PPARA: variants seen among roughly 807,000 people sequenced by gnomAD.
PPARA encodes peroxisome proliferator activated receptor alpha, also known as peroxisome proliferator-activated receptor alpha.
Under a neutral mutation model 42.2 loss-of-function variants are expected in PPARA, and 22 were observed. The observed-to-expected ratio is 0.52, with a 90% CI of 0.37 to 0.74. The LOEUF (loss-of-function observed/expected upper bound fraction) is 0.74. Among genes scored for constraint, PPARA ranks in the 30% least tolerant of loss-of-function variants. PPARA has a pLI of 0.00. For synonymous variants in PPARA, 242 were observed against 239.3 expected (o/e 1.01, Z -0.10); for missense variants, 465 against 608.2 (o/e 0.76, Z 2.48).
At chr22:46,223,980 T>C (rs991057806) in intron 7 of PPARA, among the ~76,000 whole-genome samples, 1 of 149,688 alleles carries the variant, frequency 6.7e-6, no homozygotes, top group African/African-American at 2.5e-5. Flanking sequence ...AAATGATAGA[T>C]GAATAGTTTA....
At chr22:46,229,883 T>A (rs1935748109) in intron 7 of PPARA, among the ~76,000 whole-genome samples, 2 of 152,196 alleles carry the variant, frequency 1.3e-5, no homozygotes, top group Admixed American at 1.3e-4. Flanking sequence ...TTCCATACCA[T>A]CTGTGTGATG....
rs944658507 is a variant in PPARA, at chr22:46,162,624, G to C, written c.-127+10654G>C. ...ACAGTGGCTCTCCCTGAGACCCCGT[G>C]AGGCCAGAGTCCTTGGCTCATCACT... On this transcript the variant is annotated intron_variant, in intron 2 of 8. Coordinates refer to ENST00000407236, the MANE Select transcript of PPARA (RefSeq NM_005036.6). The surrounding 1 kb of genome is among the most constrained non-coding windows in gnomAD (Gnocchi z 6.0). Among the ~76,000 whole-genome samples the C allele has an allele frequency of 6.6e-6, 1 of 152,206 alleles. No individual in the cohort carries two copies. Among genetic ancestry groups the C allele is most frequent in the African/African-American group, 2.4e-5 (1 of 41,454 alleles).
At chr22:46,164,918 T>TA (rs1186674398) in intron 2 of PPARA, 2 of 152,206 alleles carry the variant, frequency 1.3e-5, no homozygotes, top group South Asian at 2.1e-4. Context: ...GCTATGGAAG[T>TA]AAAAAAATAA....
At chr22:46,213,162 A>C (rs956600301) in intron 4 of PPARA, among the ~76,000 whole-genome samples, 3 of 152,204 alleles carry the variant, frequency 2.0e-5, no homozygotes, top group Non-Finnish European at 4.4e-5. Flanking sequence ...CTCATGTTGC[A>C]TTCCCACCAG....
chr22:46,150,781 GC>G lies in PPARA; in HGVS notation c.-210+132del, dbSNP rs1014381530. The stretch of plus-strand genomic sequence containing the variant: ...AGGGGCTGGGCGGCGCATGCGCGGG[GC>G]CCGGGGTCTCGGGGTCTCCGGGTCC... On this transcript the variant is annotated intron_variant, in intron 1 of 8. Transcript: ENST00000407236. This position sits in a 1 kb window ranked among gnomAD's most constrained non-coding sequence, Gnocchi z 7.5. 4.0e-5 allele frequency: 6 copies of G among 150,610 alleles called. No homozygotes were observed. Among genetic ancestry groups the G allele is most frequent in the African/African-American group, 1.5e-4 (6 of 40,778 alleles). The allele number at this position is 150,610 out of a possible 1,614,324, so 9.3% of individuals were successfully genotyped here.
Position 46,238,630 on chromosome 22 carries a change from G to C in PPARA, c.*3250G>C, listed in dbSNP as rs1207874628. ...CAGCCTTGGTCTACCGTGCTGACCA[G>C]GGTGAAGGCACGGCGAGGGACTCCT... On this transcript the variant is annotated 3_prime_UTR_variant, in exon 9 of 9. Coordinates refer to ENST00000407236, the MANE Select transcript of PPARA (RefSeq NM_005036.6). The surrounding 1 kb of genome is among the most constrained non-coding windows in gnomAD (Gnocchi z 8.3). 6.6e-6 allele frequency: 1 copy of C among 152,286 alleles called. No individual in the cohort carries two copies. Among genetic ancestry groups the C allele is most frequent in the East Asian group, 1.9e-4 (1 of 5,202 alleles). 9.4% of individuals were successfully genotyped at this position (152,286 alleles called of 1,614,324 possible).
rs894594504 is a variant in PPARA, at chr22:46,240,360, T to G, written c.*4980T>G. The G allele has an allele frequency of 2.5e-6, 1 of 396,884 alleles. No homozygotes were observed. The highest frequency in any genetic ancestry group is 2.1e-5 in the African/African-American group (1 of 48,610). 24.6% of individuals were successfully genotyped at this position (396,884 alleles called of 1,614,324 possible). ...CCAGGCACGGTGCACTTTCTCCACCTCCTGCAGCCTCCCTGTTGTTTCTAG... is the reference window on the plus strand; with the variant it reads ...CCAGGCACGGTGCACTTTCTCCACCGCCTGCAGCCTCCCTGTTGTTTCTAG... On this transcript the variant is annotated 3_prime_UTR_variant, in exon 9 of 9. Transcript: ENST00000407236. This position sits in a 1 kb window ranked among gnomAD's most constrained non-coding sequence, Gnocchi z 6.0.
At position 46,231,725 on chromosome 22, in the gene PPARA, T is replaced by G; in HGVS notation, c.712-67T>G. The G allele has an allele frequency of 6.6e-7, 1 of 1,507,340 alleles. No individual in the cohort carries two copies. The highest frequency in any genetic ancestry group is 9.1e-7 in the Non-Finnish European group (1 of 1,097,600). The allele number at this position is 1,507,340 out of a possible 1,614,324, so 93.4% of individuals were successfully genotyped here. A position where few individuals can be genotyped will look rare whatever the true frequency, so the allele number is the denominator to read the frequency against. On this transcript the variant is annotated intron_variant, in intron 7 of 8. Transcript: ENST00000407236. The surrounding 1 kb of genome is among the most constrained non-coding windows in gnomAD (Gnocchi z 7.7). Reference sequence around the variant, plus strand: ...TTTGGACGCAGGAGCTGCTCATTAGTGAGCTGATAGCTGGGAGCATAGCGC... The same window carrying G: ...TTTGGACGCAGGAGCTGCTCATTAGGGAGCTGATAGCTGGGAGCATAGCGC...
chr22:46,221,243 C>A lies in PPARA; in HGVS notation c.711+1229C>A, dbSNP rs1934977178. 6.6e-6 allele frequency among the ~76,000 whole-genome samples: 1 copy of A among 152,100 alleles called. No homozygotes were observed. Among genetic ancestry groups the A allele is most frequent in the Non-Finnish European group, 1.5e-5 (1 of 68,016 alleles). ...TAGCACCAAGAGGATGGTGCTAAAC[C>A]ATTCATGAAGGATCACCCCCATGAT... is the stretch of plus-strand genomic sequence containing the variant. On this transcript the variant is annotated intron_variant, in intron 7 of 8. Coordinates refer to ENST00000407236, the MANE Select transcript of PPARA (RefSeq NM_005036.6). This position sits in a 1 kb window ranked among gnomAD's most constrained non-coding sequence, Gnocchi z 5.9.
rs1376847705 is a variant in PPARA, at chr22:46,171,442, C to T, written c.-126-5311C>T. 6.5e-6 allele frequency: 1 copy of T among 152,708 alleles called. No homozygotes were observed. Among genetic ancestry groups the T allele is most frequent in the Admixed American group, 6.5e-5 (1 of 15,280 alleles). The allele number at this position is 152,708 out of a possible 1,614,324, so 9.5% of individuals were successfully genotyped here. On this transcript the variant is annotated intron_variant, in intron 2 of 8. Transcript: ENST00000407236. The surrounding 1 kb of genome is among the most constrained non-coding windows in gnomAD (Gnocchi z 5.0). The stretch of plus-strand genomic sequence containing the variant: ...TGAGTGGAGTGATGGAGCAGCTGGC[C>T]TGGTGACTTAGCCGCCTTCAGGTAC...
At chr22:46,179,094 T>G (rs1040603847) in intron 3 of PPARA, among the ~76,000 whole-genome samples, 8 of 152,184 alleles carry the variant, frequency 5.3e-5, no homozygotes, top group Non-Finnish European at 1.0e-4. Flanking sequence ...CTTCCTCTTC[T>G]TATAAAGTCA....
rs1930973635 is a variant in PPARA, at chr22:46,187,445, G to A, written c.-43+10609G>A. The stretch of plus-strand genomic sequence containing the variant: ...TGGTCCAGGCAGCTGCCAGTTGTCA[G>A]GATCAGCTCTTTATCTCGCAGTCCT... On this transcript the variant is annotated intron_variant, in intron 3 of 8. Transcript: ENST00000407236. The surrounding 1 kb of genome is among the most constrained non-coding windows in gnomAD (Gnocchi z 4.9). Among the ~76,000 whole-genome samples the A allele has an allele frequency of 6.6e-6, 1 of 152,210 alleles. No homozygotes were observed. The highest frequency in any genetic ancestry group is 1.5e-5 in the Non-Finnish European group (1 of 68,040).
intron 5 of PPARA, among the ~76,000 whole-genome samples, chr22:46,215,956 G>A (rs1307446216): frequency 1.3e-5 from 2 of 152,122 alleles, no homozygotes; most frequent in Non-Finnish European, 2.9e-5. Context: ...ACCCCCATCT[G>A]TGGAAAAATT....
chr22:46,198,414 C>G lies in PPARA; in HGVS notation c.31C>G (p.Leu11Val). 1 of 1,613,968 alleles carries G rather than the reference C, an allele frequency of 6.2e-7. No individual in the cohort carries two copies. Among genetic ancestry groups the G allele is most frequent in the Non-Finnish European group, 8.5e-7 (1 of 1,179,978 alleles). Reference sequence around the variant, plus strand: ...GGACACGGAAAGCCCACTCTGCCCCCTCTCCCCACTCGAGGCCGGCGATCT... The same window carrying G: ...GGACACGGAAAGCCCACTCTGCCCCGTCTCCCCACTCGAGGCCGGCGATCT... MVDTESPLCPLSPLEAGDLES... is the reference protein window; with the variant it reads MVDTESPLCPVSPLEAGDLES... Residue 11 changes from leucine (L) to valine (V), a missense_variant, in exon 4 of 9, where the codon CTC becomes GTC. This residue lies in a region of PPARA where 152 missense variants were observed against 139.1 expected (regional missense o/e 1.09). Coordinates refer to ENST00000407236, the MANE Select transcript of PPARA (RefSeq NM_005036.6).
At chr22:46,205,547 TATATA>T (rs1933192800) in intron 4 of PPARA, among the ~76,000 whole-genome samples, 59 of 37,040 alleles carry the variant, frequency 1.6e-3, no homozygotes, top group Non-Finnish European at 2.1e-3. Context: ...TATATATATA[TATATA>T]TATTTTTTTT....
In PPARA at chr22:46,195,825, G is replaced by A. The variant is rs1028449324; in HGVS notation, c.-42-2517G>A. ...ACCCCCGAGCCTCTCCGTGGTGTGCGCCGTGGGCACCATGTGACCATTTTC... is the reference window on the plus strand; with the variant it reads ...ACCCCCGAGCCTCTCCGTGGTGTGCACCGTGGGCACCATGTGACCATTTTC... On this transcript the variant is annotated intron_variant, in intron 3 of 8. Transcript: ENST00000407236. This position sits in a 1 kb window ranked among gnomAD's most constrained non-coding sequence, Gnocchi z 4.6. Among the ~76,000 whole-genome samples the A allele has an allele frequency of 2.6e-5, 4 of 152,144 alleles. No homozygotes were observed. The highest frequency in any genetic ancestry group is 7.2e-5 in the African/African-American group (3 of 41,428).
chr22:46,155,150 G>A (rs1047700512), intron 2 of PPARA: 8 of 151,796 alleles, frequency 5.3e-5, no homozygotes, highest in African/African-American at 1.7e-4. Flanking sequence ...TGGCAAATAG[G>A]ATGAGTGTCT....
rs533795376 is a variant in PPARA, at chr22:46,227,875, A to G, written c.712-3917A>G. Among the ~76,000 whole-genome samples the G allele has an allele frequency of 1.3e-5, 2 of 152,326 alleles. No homozygotes were observed. Among genetic ancestry groups the G allele is most frequent in the South Asian group, 4.1e-4 (2 of 4,834 alleles). On this transcript the variant is annotated intron_variant, in intron 7 of 8. Coordinates refer to ENST00000407236, the MANE Select transcript of PPARA (RefSeq NM_005036.6). The surrounding 1 kb of genome is among the most constrained non-coding windows in gnomAD (Gnocchi z 4.3). ...GCTGCATAGATTTTTTTGTAAAATG[A>G]TCTCACCAAGAATGTTTATCCATAA...
At position 46,174,249 on chromosome 22, in the gene PPARA, A is replaced by AGAAGGAAGGAAG. The variant is rs1555935169; in HGVS notation, c.-126-2488_-126-2477dup. ...AAGAAAGAGAGAGAGAAAGAAAGAA[A>AGAAGGAAGGAAG]GAAGGAAGGAAGGAAGGAAGGAAGG... On this transcript the variant is annotated intron_variant, in intron 2 of 8. Transcript: ENST00000407236. 3.4e-4 allele frequency among the ~76,000 whole-genome samples: 4 copies of AGAAGGAAGGAAG among 11,900 alleles called. 1 individual carries two copies. The highest frequency in any genetic ancestry group is 2.8e-3 in the Admixed American group (2 of 718). 7.8% of individuals were successfully genotyped at this position (11,900 alleles called of 152,430 possible).
Sources: allele counts gnomAD v4.1 joint callset (sites outside exome capture counted in the v4.1 genomes callset), GRCh38; gene constraint gnomAD v4.1.1; regional missense constraint gnomAD v4.1.1; non-coding constraint Gnocchi (gnomAD v3.1); transcripts MANE v1.5; gene names NCBI Gene and HGNC (gene_info 2026-07-23, HGNC 2026-07-21).